The following E2F2 variants were observed in gnomAD, a reference collection of about 807,000 sequenced individuals.
E2F2 encodes the protein E2F transcription factor 2.
In E2F2, 22 loss-of-function variants were observed where a neutral mutation model predicts 42.2. The ratio of observed to expected loss-of-function variants is 0.52; its 90% CI spans 0.37 to 0.74. The LOEUF is 0.74. Ranked by LOEUF, E2F2 falls within the 30% of genes least tolerant of loss-of-function variation. E2F2 has a pLI of 0.00. For synonymous variants in E2F2, 248 were observed against 251.6 expected (o/e 0.99, Z 0.13); for missense variants, 481 against 557.8 (o/e 0.86, Z 1.39).
Position 23,507,096 on chromosome 1 carries a change from G to C in E2F2, c.*2784C>G, listed in dbSNP as rs1642810537. The C allele has an allele frequency of 7.3e-6, 1 of 137,428 alleles. No homozygotes were observed. The highest frequency in any genetic ancestry group is 1.7e-5 in the Non-Finnish European group (1 of 59,780). 8.5% of individuals were successfully genotyped at this position (137,428 alleles called of 1,614,324 possible). Reference sequence around the variant, plus strand: ...AGCCCCAAGCTTTAGAAGTCCCTGGGGACACGAGTGATTTTTTTAGGGGGG... The same window carrying C: ...AGCCCCAAGCTTTAGAAGTCCCTGGCGACACGAGTGATTTTTTTAGGGGGG... On this transcript the variant is annotated 3_prime_UTR_variant, in exon 7 of 7. Transcript: ENST00000361729.
intron 5 of E2F2, among the ~76,000 whole-genome samples, chr1:23,517,061 A>T (rs1643039308): frequency 6.6e-6 from 1 of 152,198 alleles, no homozygotes; most frequent in Non-Finnish European, 1.5e-5. Context: ...AGAAAAGCAG[A>T]GAGATGAAAA....
At chr1:23,517,351 C>G (rs577029829) in intron 5 of E2F2, among the ~76,000 whole-genome samples, 12 of 152,348 alleles carry the variant, frequency 7.9e-5, no homozygotes, top group African/African-American at 2.9e-4. Flanking sequence ...TGTACTCACA[C>G]AGAACTGCAC....
rs376519292 is a variant in E2F2 at position 23,529,399 on chromosome 1, G to A, written c.252+1143C>T. On this transcript the variant is annotated intron_variant, in intron 1 of 6. Coordinates refer to ENST00000361729, the MANE Select transcript of E2F2 (RefSeq NM_004091.4). The stretch of plus-strand genomic sequence containing the variant: ...AAGCCTGAGTCCACTGGCAGGGAGT[G>A]GTGGCTCTGCCTGCATCCAGAGCTG... Among the ~76,000 whole-genome samples the A allele has an allele frequency of 2.0e-5, 3 of 152,182 alleles. No individual in the cohort carries two copies. The East Asian group carries it at 5.8e-4, about 29-fold the overall frequency.
intron 2 of E2F2, among the ~76,000 whole-genome samples, chr1:23,523,506 T>C (rs1024409451): frequency 6.6e-6 from 1 of 152,018 alleles, no homozygotes; most frequent in African/African-American, 2.4e-5. Flanking sequence ...CCCCTCCAAC[T>C]TAGCTTTAGG....
At chr1:23,529,118 A>C (rs1643297188) in intron 1 of E2F2, among the ~76,000 whole-genome samples, 1 of 151,974 alleles carries the variant, frequency 6.6e-6, no homozygotes, top group Non-Finnish European at 1.5e-5. Flanking sequence ...CCCCATCCCC[A>C]TCTCTGACCT....
In E2F2 at chr1:23,518,997, C is replaced by T; in HGVS notation, c.852+19G>A. 6.2e-7 allele frequency: 1 copy of T among 1,608,460 alleles called. No homozygotes were observed. The highest frequency in any genetic ancestry group is 8.5e-7 in the Non-Finnish European group (1 of 1,175,540). On this transcript the variant is annotated intron_variant, in intron 5 of 6. Coordinates refer to ENST00000361729, the MANE Select transcript of E2F2 (RefSeq NM_004091.4). ...GCAGGGTCTCAACCCTGCTCTCCAC[C>T]AAATATTTCCCCTCTCACCTCAGTC...
chr1:23,510,220 G>C (rs915353981), intron 6 of E2F2, 72 bp from the exon 7 acceptor site: 9 of 1,450,490 alleles, frequency 6.2e-6, no homozygotes, highest in Non-Finnish European at 8.2e-6. Context: ...ACAGACTTCC[G>C]GTTCTCTGGA....
chr1:23,524,457 C>T lies in E2F2; in HGVS notation c.284G>A (p.Gly95Glu). 6.2e-7 allele frequency: 1 copy of T among 1,613,816 alleles called. No homozygotes were observed. The highest frequency in any genetic ancestry group is 8.5e-7 in the Non-Finnish European group (1 of 1,179,884). The change falls in exon 2 of 7, where the codon GGG (glycine) becomes GAG (glutamate). Residue 95 changes from glycine to glutamate, a missense_variant. By Grantham distance (98) the Gly-to-Glu change is moderately conservative (BLOSUM62 -2). Coordinates refer to ENST00000361729, the MANE Select transcript of E2F2 (RefSeq NM_004091.4). Reference protein sequence around the residue: ...AKRKLDLEGIGRPVVPEFPTP... With the variant: ...AKRKLDLEGIERPVVPEFPTP... Reference sequence around the variant, plus strand: ...TGGGAACTCAGGGACGACGGGCCTCCCAATCCCCTCCAGATCCAGCTTCCT... The same window carrying T: ...TGGGAACTCAGGGACGACGGGCCTCTCAATCCCCTCCAGATCCAGCTTCCT...
intron 1 of E2F2, among the ~76,000 whole-genome samples, chr1:23,526,338 A>G (rs1283304650): frequency 6.6e-6 from 1 of 152,124 alleles, no homozygotes; most frequent in African/African-American, 2.4e-5. Context: ...TCCCCATTGT[A>G]CAGCTGAAGT....
chr1:23,527,995 G>C (rs1477396077), intron 1 of E2F2, among the ~76,000 whole-genome samples: 1 of 152,150 alleles, frequency 6.6e-6, no homozygotes, highest in Non-Finnish European at 1.5e-5. Flanking sequence ...AATACAAAAA[G>C]TAATCCCAGC....
At position 23,519,139 on chromosome 1, in the gene E2F2, G is replaced by A. The variant is rs752890101; in HGVS notation, c.738-9C>T. 2.5e-6 allele frequency: 4 copies of A among 1,607,918 alleles called. No homozygotes were observed. Among genetic ancestry groups the A allele is most frequent in the Non-Finnish European group, 3.4e-6 (4 of 1,175,538 alleles). ...AAGTCACATAGGCCAGCGTAGGGCAGGAGAGTCAAGAAAAGTGACTGTCTG... is the reference window on the plus strand; with the variant it reads ...AAGTCACATAGGCCAGCGTAGGGCAAGAGAGTCAAGAAAAGTGACTGTCTG... On this transcript the variant is annotated splice_polypyrimidine_tract_variant and intron_variant, in intron 4 of 6. Coordinates refer to ENST00000361729, the MANE Select transcript of E2F2 (RefSeq NM_004091.4).
At position 23,530,683 on chromosome 1, in the gene E2F2, G is replaced by C. The variant is rs373904892; in HGVS notation, c.111C>G (p.Leu37=). 8.7e-6 allele frequency: 14 copies of C among 1,612,794 alleles called. No homozygotes were observed. The highest frequency in any genetic ancestry group is 1.2e-5 in the Non-Finnish European group (14 of 1,179,632). ...TGTAGTAGGTAGCAGTAGCTGGGCA[G>C]AGCTGGGGGCTGCTGAGGCCGGATG... ...LWPSGLSSPQ[L]CPATATYYTP... The change falls in exon 1 of 7, where the codon CTC becomes CTG. Residue 37 remains leucine (L), a synonymous_variant. Coordinates refer to ENST00000361729, the MANE Select transcript of E2F2 (RefSeq NM_004091.4). This position sits in a 1 kb window ranked among gnomAD's most constrained non-coding sequence, Gnocchi z 4.4.
chr1:23,514,614 G>C (rs1165582178), intron 6 of E2F2, among the ~76,000 whole-genome samples: 1 of 151,846 alleles, frequency 6.6e-6, no homozygotes, highest in Non-Finnish European at 1.5e-5. Flanking sequence ...GATCACCTGA[G>C]GTCAAGGGTT....
At chr1:23,523,074 G>C (rs549242876) in intron 2 of E2F2, among the ~76,000 whole-genome samples, 3 of 152,192 alleles carry the variant, frequency 2.0e-5, no homozygotes, top group Non-Finnish European at 4.4e-5. Flanking sequence ...TGACCTGTCA[G>C]GTCGGAGCAG....
At chr1:23,510,290 C>T in intron 6 of E2F2, 142 bp from the exon 7 acceptor site, 1 of 1,377,728 alleles carries the variant, frequency 7.3e-7, no homozygotes, top group Non-Finnish European at 9.4e-7. Flanking sequence ...TCAAAATCCA[C>T]CTTCCAGAGT....
At position 23,508,498 on chromosome 1, in the gene E2F2, G is replaced by A. The variant is rs1642844238; in HGVS notation, c.*1382C>T. On this transcript the variant is annotated 3_prime_UTR_variant, in exon 7 of 7. Transcript: ENST00000361729. The stretch of plus-strand genomic sequence containing the variant: ...CACCCACATCCCAGGGTGGGTGGGG[G>A]AGAAGAGCAGCTGAGCTGAAGGGAC... 1 of 152,326 alleles carries A rather than the reference G, an allele frequency of 6.6e-6. No individual in the cohort carries two copies. 9.4% of individuals were successfully genotyped at this position (152,326 alleles called of 1,614,324 possible).
rs1424181672 is a variant in E2F2, at chr1:23,524,095, C to CA, written c.358+287dup. Among the ~76,000 whole-genome samples the CA allele has an allele frequency of 7.9e-4, 92 of 116,666 alleles. 3 individuals carry two copies. Among genetic ancestry groups the CA allele is most frequent in the African/African-American group, 3.5e-3 (81 of 22,942 alleles). 76.5% of individuals were successfully genotyped at this position (116,666 alleles called of 152,430 possible). A position where few individuals can be genotyped will look rare whatever the true frequency, so the allele number is the denominator to read the frequency against. ...CTCACAACAACAACAACAACAACAACAACAACAACAAAAAAAAACACAGAA... is the reference window on the plus strand; with the variant it reads ...CTCACAACAACAACAACAACAACAACAAACAACAACAAAAAAAAACACAGAA... On this transcript the variant is annotated intron_variant, in intron 2 of 6. Transcript: ENST00000361729.
At chr1:23,516,243 A>T in intron 6 of E2F2, 92 bp downstream of exon 6, 1 of 1,383,354 alleles carries the variant, frequency 7.2e-7, no homozygotes, top group South Asian at 1.8e-5. Context: ...CTGCTGGATA[A>T]AACAGGAGGT....
chr1:23,525,104 A>G (rs1643227750), intron 1 of E2F2, among the ~76,000 whole-genome samples: 1 of 152,322 alleles, frequency 6.6e-6, no homozygotes, highest in Middle Eastern at 3.4e-3. Context: ...GGCCTCCTGA[A>G]TAGACTGCAT....
Sources: allele counts gnomAD v4.1 joint callset (sites outside exome capture counted in the v4.1 genomes callset), GRCh38; gene constraint gnomAD v4.1.1; non-coding constraint Gnocchi (gnomAD v3.1); transcripts MANE v1.5; gene names NCBI Gene and HGNC (gene_info 2026-07-23, HGNC 2026-07-21).